RPS6KA2: variants seen among roughly 807,000 people sequenced by gnomAD.
The protein encoded by RPS6KA2 is ribosomal protein S6 kinase A2.
A neutral mutation model predicts 91.8 loss-of-function variants in RPS6KA2; 42 were observed. The ratio of observed to expected loss-of-function variants is 0.46; its 90% CI spans 0.36 to 0.59. RPS6KA2 has a LOEUF of 0.59. RPS6KA2 is among the 20% of genes least tolerant of loss of function. The pLI is 0.00. For synonymous variants in RPS6KA2, 414 were observed against 393.6 expected, an observed-to-expected ratio of 1.05 and a Z score of -0.61; for missense variants, 798 against 978.5, an observed-to-expected ratio of 0.82 and a Z score of 2.46.
intron 1 of RPS6KA2, among the ~76,000 whole-genome samples, chr6:166,859,163 G>A (rs12110773): frequency 0.073 from 10,151 of 138,676 alleles, 2,835 homozygotes; most frequent in African/African-American, 0.31. Context: ...ATCCAAGCTT[G>A]ACTATGAATC....
At chr6:166,763,777 A>G (rs1437728910) in intron 2 of RPS6KA2, among the ~76,000 whole-genome samples, 2 of 152,204 alleles carry the variant, frequency 1.3e-5, no homozygotes, top group Non-Finnish European at 2.9e-5. Context: ...GTTACAGATC[A>G]AGTCCCAAGG....
chr6:166,505,582 G>A (rs1221037925), intron 5 of RPS6KA2, among the ~76,000 whole-genome samples: 2 of 152,248 alleles, frequency 1.3e-5, no homozygotes, highest in Non-Finnish European at 2.9e-5. Context: ...CACGCAGCCA[G>A]AAGGCTGCCC....
At position 166,434,084 on chromosome 6, in the gene RPS6KA2, C is replaced by T. The variant is rs146999800; in HGVS notation, c.1333-1594G>A. On this transcript the variant is annotated intron_variant, in intron 14 of 20. Coordinates refer to ENST00000265678, the MANE Select transcript of RPS6KA2 (RefSeq NM_021135.6). This position sits in a 1 kb window ranked among gnomAD's most constrained non-coding sequence, Gnocchi z 4.4. Reference sequence around the variant, plus strand: ...TATTTCTTTACTTTAGAGAACCAAACGCTTGGGTAGCATTTGACTCACTGC... The same window carrying T: ...TATTTCTTTACTTTAGAGAACCAAATGCTTGGGTAGCATTTGACTCACTGC... Among the ~76,000 whole-genome samples the T allele has an allele frequency of 2.0e-3, 309 of 152,298 alleles. 4 individuals are homozygous for T. The highest frequency in any genetic ancestry group is 7.0e-3 in the African/African-American group (289 of 41,560).
chr6:166,757,875 C>T, intron 2 of RPS6KA2: 1 of 278,420 alleles, frequency 3.6e-6, no homozygotes, highest in Non-Finnish European at 7.1e-6. Context: ...AACCTCAGCC[C>T]CGAGGCTGGC....
chr6:166,703,072 C>T (rs1433551567), intron 2 of RPS6KA2, among the ~76,000 whole-genome samples: 1 of 152,158 alleles, frequency 6.6e-6, no homozygotes, highest in Non-Finnish European at 1.5e-5. Flanking sequence ...TAGCTACAAC[C>T]GAAACGCATC....
chr6:166,809,494 A>G (rs183930086), intron 2 of RPS6KA2, among the ~76,000 whole-genome samples: 1 of 152,364 alleles, frequency 6.6e-6, no homozygotes, highest in Admixed American at 6.5e-5. Flanking sequence ...GTGAATCCAA[A>G]GAAAAGACAG....
intron 1 of RPS6KA2, among the ~76,000 whole-genome samples, chr6:166,620,951 C>T (rs532263661): frequency 2.6e-5 from 4 of 152,280 alleles, no homozygotes; most frequent in Middle Eastern, 3.4e-3. Context: ...TGGCACCGAG[C>T]AGGGGCAGGA....
intron 2 of RPS6KA2, among the ~76,000 whole-genome samples, chr6:166,694,862 A>G (rs548625599): frequency 6.6e-6 from 1 of 152,368 alleles, no homozygotes; most frequent in South Asian, 2.1e-4. Flanking sequence ...TTGCCGTTTC[A>G]TCATCTAATG....
Position 166,459,561 on chromosome 6 carries a change from C to G in RPS6KA2, c.973-10G>C, listed in dbSNP as rs768610054. The G allele has an allele frequency of 3.7e-6, 6 of 1,600,004 alleles. No homozygotes were observed. The East Asian group carries it at 1.1e-4, about 30-fold the overall frequency. ...CCTTCCGGTACAGCGTCTATTAATA[C>G]AAGGAAAGCAAGACAGGGCACTGAG... On this transcript the variant is annotated splice_polypyrimidine_tract_variant and intron_variant, in intron 11 of 20. Transcript: ENST00000265678. This position sits in a 1 kb window ranked among gnomAD's most constrained non-coding sequence, Gnocchi z 4.9.
intron 2 of RPS6KA2, among the ~76,000 whole-genome samples, chr6:166,672,161 C>T (rs936073613): frequency 6.6e-6 from 1 of 152,186 alleles, no homozygotes; most frequent in Non-Finnish European, 1.5e-5. Context: ...AAAATGTTAT[C>T]GGGAGGTTAA....
chr6:166,593,414 T>C (rs1358509492), intron 1 of RPS6KA2, among the ~76,000 whole-genome samples: 1 of 152,236 alleles, frequency 6.6e-6, no homozygotes, highest in Non-Finnish European at 1.5e-5. Flanking sequence ...TAAAACCATA[T>C]GCTGGCTCAC....
At chr6:166,668,721 T>C (rs1332963287) in intron 2 of RPS6KA2, among the ~76,000 whole-genome samples, 1 of 152,098 alleles carries the variant, frequency 6.6e-6, no homozygotes, top group Non-Finnish European at 1.5e-5. Context: ...GCAAAATAAA[T>C]GGACATGTAA....
intron 2 of RPS6KA2, among the ~76,000 whole-genome samples, chr6:166,654,840 G>A (rs1038391312): frequency 7.2e-5 from 11 of 152,116 alleles, no homozygotes; most frequent in Non-Finnish European, 1.2e-4. Context: ...GGAGACACTC[G>A]CTTCTGCCTG....
At chr6:166,683,142 A>G (rs1013545560) in intron 2 of RPS6KA2, among the ~76,000 whole-genome samples, 4 of 152,180 alleles carry the variant, frequency 2.6e-5, no homozygotes, top group Non-Finnish European at 4.4e-5. Flanking sequence ...AACATGCAAC[A>G]TGACTCTTTC....
At chr6:166,680,890 T>G (rs2128566038) in intron 2 of RPS6KA2, among the ~76,000 whole-genome samples, 1 of 152,322 alleles carries the variant, frequency 6.6e-6, no homozygotes, top group South Asian at 2.1e-4. Flanking sequence ...CAAACTTCAG[T>G]CAGATGCAGA....
chr6:166,658,890 T>C (rs758002838), intron 2 of RPS6KA2, among the ~76,000 whole-genome samples: 10 of 152,142 alleles, frequency 6.6e-5, no homozygotes, highest in Non-Finnish European at 1.3e-4. Context: ...TGGGTCAGCA[T>C]GGGGTGAGGA....
intron 2 of RPS6KA2, among the ~76,000 whole-genome samples, chr6:166,776,214 C>T (rs1203911631): frequency 2.0e-5 from 3 of 152,160 alleles, no homozygotes; most frequent in Non-Finnish European, 2.9e-5. Context: ...TCTCGCTACA[C>T]CCACTAGAAG....
At chr6:166,588,165 T>C (rs1004056626) in intron 1 of RPS6KA2, among the ~76,000 whole-genome samples, 12 of 152,108 alleles carry the variant, frequency 7.9e-5, no homozygotes, top group Admixed American at 7.9e-4. Flanking sequence ...CTCAGCTCCA[T>C]CCCAGGGCCC....
At chr6:166,727,602 G>A (rs1193923313) in intron 2 of RPS6KA2, among the ~76,000 whole-genome samples, 3 of 151,846 alleles carry the variant, frequency 2.0e-5, no homozygotes, top group Non-Finnish European at 4.4e-5. Flanking sequence ...CCTAAGCACC[G>A]GCACTCTAAT....
Sources: gnomAD v4.1 joint callset for allele counts (sites outside exome capture counted in the v4.1 genomes callset) on GRCh38, gnomAD v4.1.1 for gene constraint, Gnocchi (gnomAD v3.1) non-coding constraint, MANE v1.5 for transcripts, NCBI Gene and HGNC (gene_info 2026-07-23, HGNC 2026-07-21) for gene names.